The following DEPTOR variants were observed in gnomAD, a reference collection of about 807,000 sequenced individuals.
The protein encoded by DEPTOR is DEP domain containing MTOR interacting protein, also known as DEP domain-containing mTOR-interacting protein.
DEPTOR carries 41 observed loss-of-function variants against 41.6 expected under a neutral mutation model. The ratio of observed to expected loss-of-function variants is 0.98; its 90% CI spans 0.77 to 1.28. The LOEUF is 1.28. DEPTOR is among the 50% of genes most tolerant of loss of function. The probability of loss-of-function intolerance (pLI) is 0.00; values close to 1 mark genes in which losing one functional copy is unlikely to be tolerated. For missense variants in DEPTOR, 514 were observed against 527.9 expected (o/e 0.97, Z 0.26); for synonymous variants, 195 against 192.3 (o/e 1.01, Z -0.12).
intron 3 of DEPTOR, among the ~76,000 whole-genome samples, chr8:119,938,671 C>T (rs1828142036): frequency 6.6e-6 from 1 of 152,130 alleles, no homozygotes; most frequent in African/African-American, 2.4e-5. Context: ...CATTACCACA[C>T]CTGGCTAATG....
At chr8:119,894,020 T>C (rs1336937433) in intron 1 of DEPTOR, among the ~76,000 whole-genome samples, 2 of 152,156 alleles carry the variant, frequency 1.3e-5, no homozygotes, top group East Asian at 3.8e-4. Context: ...CATTGCAATC[T>C]TTATTAACAG....
chr8:119,925,474 T>C (rs1827951889), intron 1 of DEPTOR, among the ~76,000 whole-genome samples: 1 of 152,142 alleles, frequency 6.6e-6, no homozygotes, highest in African/African-American at 2.4e-5. Flanking sequence ...ATTTATTCAT[T>C]ACCACGCGAA....
chr8:119,938,371 C>A (rs574615946), intron 3 of DEPTOR, among the ~76,000 whole-genome samples: 19 of 152,208 alleles, frequency 1.2e-4, no homozygotes, highest in Admixed American at 2.0e-4. Flanking sequence ...AAAGGGCCAT[C>A]ATCTCTTCCC....
chr8:119,922,600 C>A (rs929616875), intron 1 of DEPTOR, among the ~76,000 whole-genome samples: 1 of 152,088 alleles, frequency 6.6e-6, no homozygotes, highest in African/African-American at 2.4e-5. Context: ...ATAATTACAA[C>A]TCTACATAGG....
At chr8:120,007,628 A>G (rs1444228237) in intron 7 of DEPTOR, among the ~76,000 whole-genome samples, 1 of 152,058 alleles carries the variant, frequency 6.6e-6, no homozygotes, top group African/African-American at 2.4e-5. Context: ...CTCCTCCTTC[A>G]TCTTCTAACT....
chr8:119,984,879 C>T (rs1828810146), intron 4 of DEPTOR, among the ~76,000 whole-genome samples: 1 of 152,070 alleles, frequency 6.6e-6, no homozygotes, highest in African/African-American at 2.4e-5. Flanking sequence ...ATTTACACTC[C>T]CACCAACAGT....
At chr8:120,035,559 T>G (rs2326434) in intron 8 of DEPTOR, among the ~76,000 whole-genome samples, 126,922 of 152,082 alleles carry the variant, frequency 0.83, 53,341 homozygotes, top group African/African-American at 0.94. Flanking sequence ...GTGTGTAAAT[T>G]TTGCCTTCTT....
chr8:119,965,108 A>G (rs1046454575), intron 3 of DEPTOR, 124 bp from the exon 4 acceptor site: 2 of 1,042,348 alleles, frequency 1.9e-6, no homozygotes, highest in Non-Finnish European at 2.7e-6. Flanking sequence ...GTGTGGTGGC[A>G]CCTGACAGCT....
At chr8:119,944,412 A>G (rs1004543943) in intron 3 of DEPTOR, among the ~76,000 whole-genome samples, 1 of 152,194 alleles carries the variant, frequency 6.6e-6, no homozygotes, top group African/African-American at 2.4e-5. Flanking sequence ...ATATGGCTGG[A>G]TTATAATGAA....
At chr8:119,920,172 A>G (rs190883263) in intron 1 of DEPTOR, among the ~76,000 whole-genome samples, 65 of 152,246 alleles carry the variant, frequency 4.3e-4, no homozygotes, top group Middle Eastern at 3.4e-3. Flanking sequence ...ACTCTTCCCA[A>G]TGGTTTAATG....
chr8:119,908,414 C>A (rs13267896), intron 1 of DEPTOR, among the ~76,000 whole-genome samples: 75,796 of 151,874 alleles, frequency 0.5, 20,621 homozygotes, highest in East Asian at 0.92. Context: ...CATAGTGAGA[C>A]CCTGGTAGTA....
intron 1 of DEPTOR, among the ~76,000 whole-genome samples, chr8:119,921,364 G>A (rs1049109395): frequency 2.6e-5 from 4 of 152,134 alleles, no homozygotes; most frequent in African/African-American, 7.2e-5. Context: ...AAACACATAC[G>A]TGTGCAGTGT....
intron 1 of DEPTOR, among the ~76,000 whole-genome samples, chr8:119,921,028 G>C (rs1827885903): frequency 6.6e-6 from 1 of 151,082 alleles, no homozygotes; most frequent in Admixed American, 6.6e-5. Context: ...CTAGGCTGGA[G>C]TGCAGTGGTA....
intron 8 of DEPTOR, among the ~76,000 whole-genome samples, chr8:120,025,978 G>A (rs1812790324): frequency 7.9e-6 from 1 of 126,080 alleles, no homozygotes; most frequent in Admixed American, 1.0e-4. Context: ...TCTCTCTTAG[G>A]ACTTTTGATT....
At chr8:120,014,848 A>G (rs1322598978) in intron 8 of DEPTOR, among the ~76,000 whole-genome samples, 9 of 152,130 alleles carry the variant, frequency 5.9e-5, no homozygotes, top group Non-Finnish European at 1.5e-5. Context: ...AGGTTACAGT[A>G]TAATGAATAT....
At chr8:120,034,216 A>G (rs1812938067) in intron 8 of DEPTOR, among the ~76,000 whole-genome samples, 1 of 151,694 alleles carries the variant, frequency 6.6e-6, no homozygotes, top group African/African-American at 2.4e-5. Context: ...TCCCACCAAA[A>G]CACTACGAAC....
chr8:120,034,510 C>T (rs1274400408), intron 8 of DEPTOR, among the ~76,000 whole-genome samples: 5 of 127,840 alleles, frequency 3.9e-5, no homozygotes, highest in Non-Finnish European at 7.7e-5. Flanking sequence ...TGCAGTGGCG[C>T]AATCTCAGCT....
At chr8:119,972,704 T>A (rs140777596) in intron 4 of DEPTOR, among the ~76,000 whole-genome samples, 1 of 151,538 alleles carries the variant, frequency 6.6e-6, no homozygotes, top group Non-Finnish European at 1.5e-5. Flanking sequence ...ATCAAGACAG[T>A]CTAGCTTCAG....
chr8:119,987,442 G>A lies in DEPTOR; in HGVS notation c.605-14083G>A, dbSNP rs1255865651. 2.0e-5 allele frequency among the ~76,000 whole-genome samples: 3 copies of A among 152,196 alleles called. 1 individual carries two copies. The highest frequency in any genetic ancestry group is 7.2e-5 in the African/African-American group (3 of 41,438). The stretch of plus-strand genomic sequence containing the variant: ...GGGCACCTGCCAGATGCCAACCAGA[G>A]CTCTCCGGTATGAGATGTCTGTCGA... On this transcript the variant is annotated intron_variant, in intron 4 of 8. Coordinates refer to ENST00000286234, the MANE Select transcript of DEPTOR (RefSeq NM_022783.4).
Sources: allele counts gnomAD v4.1 joint callset (sites outside exome capture counted in the v4.1 genomes callset), GRCh38; gene constraint gnomAD v4.1.1; transcripts MANE v1.5; gene names NCBI Gene and HGNC (gene_info 2026-07-23, HGNC 2026-07-21).